The following LMBR1 variants were observed in gnomAD, a reference collection of about 807,000 sequenced individuals.
The protein encoded by LMBR1 is limb region 1 protein homolog.
LMBR1 carries 52 observed loss-of-function variants against 73.9 expected under a neutral mutation model. That is an observed-to-expected ratio of 0.70 (90% CI 0.56 to 0.89). The LOEUF (loss-of-function observed/expected upper bound fraction) is 0.89, where lower values mean the gene tolerates loss of function less well. Among genes scored for constraint, LMBR1 ranks in the 40% least tolerant of loss-of-function variants. The probability of loss-of-function intolerance (pLI) is 0.00; values close to 1 mark genes in which losing one functional copy is unlikely to be tolerated. For missense variants in LMBR1, 539 were observed against 579.8 expected (o/e 0.93, Z 0.72); for synonymous variants, 215 against 209.4 (o/e 1.03, Z -0.23).
Position 156,669,166 on chromosome 7 carries a change from C to A in LMBR1, n.988G>T, listed in dbSNP as rs1422413123. 1.3e-5 allele frequency: 2 copies of A among 152,250 alleles called. No individual in the cohort carries two copies. Among genetic ancestry groups the A allele is most frequent in the African/African-American group, 4.8e-5 (2 of 41,462 alleles). 9.4% of individuals were successfully genotyped at this position (152,250 alleles called of 1,614,324 possible). A position where few individuals can be genotyped will look rare whatever the true frequency, so the allele number is the denominator to read the frequency against. On this transcript the variant is annotated non_coding_transcript_exon_variant, in exon 5 of 5. Transcript: ENST00000430825. The surrounding 1 kb of genome is among the most constrained non-coding windows in gnomAD (Gnocchi z 4.2). The stretch of plus-strand genomic sequence containing the variant: ...TTGTAAAGGGTGTGCTGACCAGCCC[C>A]TCTGGGCAGACACAGGTGCAAGGGC...
rs73491895 is a variant in LMBR1, at chr7:156,760,268, T to A, written c.684+1866A>T. Reference sequence around the variant, plus strand: ...TGGGGTTCACTATATTTAACATTAATAAGAGACAAGTTAAGGAGAAAAATT... The same window carrying A: ...TGGGGTTCACTATATTTAACATTAAAAAGAGACAAGTTAAGGAGAAAAATT... On this transcript the variant is annotated intron_variant, in intron 8 of 16. Coordinates refer to ENST00000353442, the MANE Select transcript of LMBR1 (RefSeq NM_022458.4). 5.1e-3 allele frequency among the ~76,000 whole-genome samples: 775 copies of A among 151,142 alleles called. 10 individuals carry two copies. Among genetic ancestry groups the A allele is most frequent in the African/African-American group, 0.019 (749 of 40,432 alleles).
intron 1 of LMBR1, among the ~76,000 whole-genome samples, chr7:156,889,886 C>T (rs1802588788): frequency 6.6e-6 from 1 of 152,114 alleles, no homozygotes. Flanking sequence ...AGCCTGTAGT[C>T]CCAGCTACTT....
intron 15 of LMBR1, among the ~76,000 whole-genome samples, chr7:156,717,557 T>C (rs1036219671): frequency 3.3e-5 from 5 of 151,750 alleles, no homozygotes; most frequent in Non-Finnish European, 7.4e-5. Context: ...GGGGGTGAAA[T>C]TACAAACAGT....
intron 5 of LMBR1, among the ~76,000 whole-genome samples, chr7:156,766,692 C>G (rs1049305203): frequency 2.0e-5 from 3 of 152,018 alleles, no homozygotes; most frequent in Non-Finnish European, 4.4e-5. Flanking sequence ...TGTGCTCACC[C>G]AAGTGGTGGG....
chr7:156,764,942 T>C (rs1041884563), intron 5 of LMBR1, among the ~76,000 whole-genome samples: 1 of 152,184 alleles, frequency 6.6e-6, no homozygotes, highest in East Asian at 1.9e-4. Context: ...AAGGCTGCAT[T>C]TGGCAAGTTT....
chr7:156,676,719 TGC>T, downstream of LMBR1: 1 of 1,218,088 alleles, frequency 8.2e-7, no homozygotes, highest in South Asian at 1.3e-5. Context: ...TTGGATGAAC[TGC>T]ATGAGTTCTG....
intron 1 of LMBR1, among the ~76,000 whole-genome samples, chr7:156,866,120 A>G (rs544704983): frequency 6.6e-6 from 1 of 152,252 alleles, no homozygotes; most frequent in East Asian, 1.9e-4. Flanking sequence ...CTTTTGTCCT[A>G]CAATCAAGAA....
At chr7:156,758,421 T>C (rs1563291343) in intron 8 of LMBR1, among the ~76,000 whole-genome samples, 1 of 152,200 alleles carries the variant, frequency 6.6e-6, no homozygotes, top group South Asian at 2.1e-4. Flanking sequence ...ACTGATGTAG[T>C]TTGGATATTT....
intron 15 of LMBR1, among the ~76,000 whole-genome samples, chr7:156,723,703 A>G (rs921537495): frequency 6.6e-6 from 1 of 152,142 alleles, no homozygotes; most frequent in Non-Finnish European, 1.5e-5. Flanking sequence ...TTTTGTGGAC[A>G]CAAAGCAGCT....
intron 4 of LMBR1, among the ~76,000 whole-genome samples, chr7:156,819,890 A>T (rs1834487524): frequency 6.6e-6 from 1 of 152,158 alleles, no homozygotes; most frequent in African/African-American, 2.4e-5. Context: ...CCCCATACTG[A>T]TTTCCTGACC....
chr7:156,867,030 G>A (rs1175630422), intron 1 of LMBR1, among the ~76,000 whole-genome samples: 1 of 152,104 alleles, frequency 6.6e-6, no homozygotes, highest in Admixed American at 6.5e-5. Flanking sequence ...CAGCATTGGT[G>A]ACTTTCACAA....
chr7:156,829,894 G>C (rs775547071), intron 3 of LMBR1, among the ~76,000 whole-genome samples: 1 of 152,098 alleles, frequency 6.6e-6, no homozygotes, highest in Non-Finnish European at 1.5e-5. Context: ...GCTGCTGACC[G>C]GCCAAAAATA....
intron 1 of LMBR1, among the ~76,000 whole-genome samples, chr7:156,846,401 A>G (rs984292987): frequency 6.6e-6 from 1 of 152,210 alleles, no homozygotes; most frequent in Non-Finnish European, 1.5e-5. Flanking sequence ...CTCATTAATT[A>G]ATTTAATGTA....
At chr7:156,855,148 G>T (rs937661210) in intron 1 of LMBR1, among the ~76,000 whole-genome samples, 2 of 152,192 alleles carry the variant, frequency 1.3e-5, no homozygotes, top group South Asian at 2.1e-4. Context: ...TTATTAATAT[G>T]CAAAGGTGGA....
At chr7:156,701,546 G>C (rs1412912596) in intron 15 of LMBR1, among the ~76,000 whole-genome samples, 1 of 152,200 alleles carries the variant, frequency 6.6e-6, no homozygotes, top group African/African-American at 2.4e-5. Context: ...CCAAAATCCA[G>C]AACACTGACA....
chr7:156,734,820 G>A (rs894766042), intron 9 of LMBR1, among the ~76,000 whole-genome samples: 3 of 152,152 alleles, frequency 2.0e-5, no homozygotes, highest in African/African-American at 7.2e-5. Context: ...TGACAATTGT[G>A]AACAGCTTGG....
chr7:156,676,618 G>A, downstream of LMBR1: 1 of 1,614,106 alleles, frequency 6.2e-7, no homozygotes, highest in Non-Finnish European at 8.5e-7. Flanking sequence ...TGTCCTCTCT[G>A]CCGCTCCTGC....
intron 1 of LMBR1, among the ~76,000 whole-genome samples, chr7:156,849,252 T>C (rs1002049921): frequency 2.0e-5 from 3 of 152,120 alleles, no homozygotes; most frequent in African/African-American, 7.2e-5. Flanking sequence ...CTAAGTGAAC[T>C]AACACAAGAA....
chr7:156,837,278 T>C (rs748976013), intron 1 of LMBR1, among the ~76,000 whole-genome samples: 2 of 147,576 alleles, frequency 1.4e-5, no homozygotes, highest in Non-Finnish European at 3.0e-5. Flanking sequence ...GAGGTTGCAA[T>C]GAACCAAGAT....
Sources: gnomAD v4.1 joint callset for allele counts (sites outside exome capture counted in the v4.1 genomes callset) on GRCh38, gnomAD v4.1.1 for gene constraint, Gnocchi (gnomAD v3.1) non-coding constraint, MANE v1.5 for transcripts, NCBI Gene and HGNC (gene_info 2026-07-23, HGNC 2026-07-21) for gene names.